Variants in FHIT observed in about 807,000 individuals in gnomAD.
FHIT encodes the protein bis(5'-adenosyl)-triphosphatase.
In FHIT, 19 loss-of-function variants were observed where a neutral mutation model predicts 17.9. That is an observed-to-expected ratio of 1.06 (90% CI 0.74 to 1.56). The LOEUF is 1.56. FHIT is among the 40% of genes most tolerant of loss of function. FHIT has a pLI of 0.00. For synonymous variants in FHIT, 81 were observed against 69.7 expected (o/e 1.16, Z -0.81); for missense variants, 248 against 189.2 (o/e 1.31, Z -1.82).
intron 4 of FHIT, among the ~76,000 whole-genome samples, chr3:60,768,403 G>T (rs1371491726): frequency 1.3e-5 from 2 of 152,054 alleles, no homozygotes; most frequent in Non-Finnish European, 2.9e-5. Context: ...TCAGTAGCTA[G>T]GTAGGCAAGG....
intron 4 of FHIT, among the ~76,000 whole-genome samples, chr3:60,589,992 A>G (rs1335420149): frequency 6.6e-6 from 1 of 152,082 alleles, no homozygotes; most frequent in African/African-American, 2.4e-5. Context: ...GCCTGCTAAC[A>G]CAGGTGAACA....
chr3:59,879,218 T>C (rs1435117944), intron 8 of FHIT, among the ~76,000 whole-genome samples: 1 of 145,658 alleles, frequency 6.9e-6, no homozygotes, highest in East Asian at 1.9e-4. Flanking sequence ...TGTGCAAACT[T>C]ATACTTGTTA....
chr3:60,101,269 A>G (rs1704179745), intron 5 of FHIT, among the ~76,000 whole-genome samples: 1 of 152,208 alleles, frequency 6.6e-6, no homozygotes, highest in African/African-American at 2.4e-5. Flanking sequence ...GCCCTGCATA[A>G]TGTGATGTGG....
chr3:61,142,196 A>G (rs1322401591), intron 2 of FHIT, among the ~76,000 whole-genome samples: 1 of 150,960 alleles, frequency 6.6e-6, no homozygotes, highest in Non-Finnish European at 1.5e-5. Context: ...TCTTTTTTCC[A>G]ATTTTGGTTT....
intron 3 of FHIT, among the ~76,000 whole-genome samples, chr3:60,857,582 A>C (rs1553750301): frequency 6.6e-6 from 1 of 152,232 alleles, no homozygotes; most frequent in Non-Finnish European, 1.5e-5. Flanking sequence ...AGCATGCAAT[A>C]AATGTTATAA....
intron 5 of FHIT, among the ~76,000 whole-genome samples, chr3:60,146,267 G>T (rs1014924374): frequency 9.3e-5 from 14 of 151,064 alleles, no homozygotes; most frequent in Non-Finnish European, 5.9e-5. Flanking sequence ...AAAAGGGCAG[G>T]GGGTAGGAGG....
At chr3:60,188,753 T>A (rs181401458) in intron 5 of FHIT, among the ~76,000 whole-genome samples, 6 of 152,124 alleles carry the variant, frequency 3.9e-5, no homozygotes, top group Admixed American at 1.3e-4. Flanking sequence ...CCATCTCAAG[T>A]GAAATCTTGA....
At chr3:60,072,789 G>T (rs116013330) in intron 5 of FHIT, among the ~76,000 whole-genome samples, 1 of 152,148 alleles carries the variant, frequency 6.6e-6, no homozygotes, top group Non-Finnish European at 1.5e-5. Context: ...TGAAGCTAGC[G>T]CTTCATGGTA....
intron 8 of FHIT, among the ~76,000 whole-genome samples, chr3:59,863,265 G>A (rs1026276569): frequency 1.3e-5 from 2 of 152,162 alleles, no homozygotes; most frequent in African/African-American, 4.8e-5. Context: ...GCTTTGTGAC[G>A]CACATCACCC....
intron 3 of FHIT, among the ~76,000 whole-genome samples, chr3:60,970,130 T>C (rs976708588): frequency 1.3e-5 from 2 of 152,230 alleles, no homozygotes; most frequent in Admixed American, 6.5e-5. Flanking sequence ...AGCCGTTTAC[T>C]GACATTTTGT....
At chr3:60,039,912 T>C (rs570953080) in intron 5 of FHIT, among the ~76,000 whole-genome samples, 1 of 152,276 alleles carries the variant, frequency 6.6e-6, no homozygotes, top group South Asian at 2.1e-4. Context: ...GTTCACAAAT[T>C]TACACTGAAG....
chr3:60,238,670 T>C (rs1181739790), intron 5 of FHIT, among the ~76,000 whole-genome samples: 1 of 152,130 alleles, frequency 6.6e-6, no homozygotes, highest in African/African-American at 2.4e-5. Context: ...CTTAGTGTAG[T>C]TGCACTCTTC....
At chr3:60,356,335 C>T (rs78329688) in intron 5 of FHIT, among the ~76,000 whole-genome samples, 2,896 of 152,182 alleles carry the variant, frequency 0.019, 67 homozygotes, top group African/African-American at 0.057. Flanking sequence ...AAGTTCAAGG[C>T]TCCTGAGCAC....
intron 2 of FHIT, among the ~76,000 whole-genome samples, chr3:61,086,095 T>C (rs1403465683): frequency 6.6e-6 from 1 of 152,188 alleles, no homozygotes; most frequent in Admixed American, 6.5e-5. Flanking sequence ...CATATCTTTT[T>C]TTTCTGTCTC....
chr3:59,796,564 T>A (rs1351796861), intron 8 of FHIT, among the ~76,000 whole-genome samples: 2 of 152,230 alleles, frequency 1.3e-5, no homozygotes, highest in African/African-American at 4.8e-5. Context: ...GAACTGATAA[T>A]CCTCGTCCTC....
At chr3:60,191,629 T>G (rs1013683571) in intron 5 of FHIT, among the ~76,000 whole-genome samples, 3 of 152,106 alleles carry the variant, frequency 2.0e-5, no homozygotes, top group Admixed American at 1.3e-4. Flanking sequence ...TGCAAATTCA[T>G]GAGGCCAGAT....
intron 7 of FHIT, among the ~76,000 whole-genome samples, chr3:59,947,165 A>G (rs1706850982): frequency 6.6e-6 from 1 of 152,104 alleles, no homozygotes; most frequent in African/African-American, 2.4e-5. Context: ...GTTGTTGGGC[A>G]ATTTATTACT....
chr3:60,426,801 G>C (rs1379995200), intron 5 of FHIT, among the ~76,000 whole-genome samples: 3 of 152,106 alleles, frequency 2.0e-5, no homozygotes, highest in African/African-American at 4.8e-5. Context: ...GCAGTAGCAT[G>C]TTCAATTAAA....
chr3:60,913,776 C>G (rs1203726034), intron 3 of FHIT, among the ~76,000 whole-genome samples: 5 of 152,178 alleles, frequency 3.3e-5, no homozygotes, highest in Admixed American at 2.6e-4. Flanking sequence ...GCTGACCTGG[C>G]TGGGACAGTT....
Sources: gnomAD v4.1 joint callset for allele counts (sites outside exome capture counted in the v4.1 genomes callset) on GRCh38, gnomAD v4.1.1 for gene constraint, MANE v1.5 for transcripts, NCBI Gene and HGNC (gene_info 2026-07-23, HGNC 2026-07-21) for gene names.